Variants in FNBP1L observed in about 807,000 individuals in gnomAD.
The protein encoded by FNBP1L is formin-binding protein 1-like.
FNBP1L carries 36 observed loss-of-function variants against 91.2 expected under a neutral mutation model. That is an observed-to-expected ratio of 0.39 (90% CI 0.30 to 0.52). The LOEUF is 0.52. Among genes scored for constraint, FNBP1L ranks in the 20% least tolerant of loss-of-function variants. The pLI is 0.66. For synonymous variants in FNBP1L, 242 were observed against 237.0 expected (o/e 1.02, Z -0.19); for missense variants, 571 against 732.1 (o/e 0.78, Z 2.54).
chr1:93,451,384 A>G (rs1229072064), intron 1 of FNBP1L, among the ~76,000 whole-genome samples: 1 of 152,188 alleles, frequency 6.6e-6, no homozygotes, highest in Non-Finnish European at 1.5e-5. Context: ...TTCGACAGAA[A>G]AAATCTGTGT....
chr1:93,539,319 A>G (rs915986546), intron 10 of FNBP1L, among the ~76,000 whole-genome samples: 8 of 152,080 alleles, frequency 5.3e-5, no homozygotes, highest in Non-Finnish European at 1.2e-4. Context: ...GTAGTTGAGT[A>G]TATGAAGTTT....
intron 1 of FNBP1L, among the ~76,000 whole-genome samples, chr1:93,491,891 TATAAA>T (rs1423017836): frequency 5.9e-5 from 9 of 152,210 alleles, no homozygotes; most frequent in Non-Finnish European, 5.9e-5. Context: ...TTTTGTCAGT[TATAAA>T]ATAAATTTAA....
rs151018642 is a variant in FNBP1L at position 93,527,541 on chromosome 1, C to T, written c.406-2111C>T. Among the ~76,000 whole-genome samples the T allele has an allele frequency of 1.9e-3, 292 of 152,162 alleles. 2 individuals carry two copies. The highest frequency in any genetic ancestry group is 6.7e-3 in the African/African-American group (280 of 41,520). ...TTCTCAGAGCACAGGTTGCAAGGTG[C>T]GTATTTTCCAGGCAAGAAATTGGAA... is the stretch of plus-strand genomic sequence containing the variant. On this transcript the variant is annotated intron_variant, in intron 5 of 16. Coordinates refer to ENST00000271234, the MANE Select transcript of FNBP1L (RefSeq NM_001164473.3).
intron 1 of FNBP1L, among the ~76,000 whole-genome samples, chr1:93,476,288 C>T (rs535433612): frequency 6.6e-5 from 10 of 152,200 alleles, no homozygotes; most frequent in African/African-American, 1.2e-4. Flanking sequence ...TCCATCTAGT[C>T]CAGTGTCATT....
chr1:93,453,396 G>T (rs570815059), intron 1 of FNBP1L, among the ~76,000 whole-genome samples: 191 of 152,134 alleles, frequency 1.3e-3, no homozygotes, highest in Non-Finnish European at 1.9e-3. Context: ...CCATTTGCTT[G>T]CTTTCTTTGC....
chr1:93,495,777 CT>C (rs1670240309), intron 1 of FNBP1L, among the ~76,000 whole-genome samples: 1 of 152,000 alleles, frequency 6.6e-6, no homozygotes, highest in African/African-American at 2.4e-5. Flanking sequence ...GAAATTTGAG[CT>C]ATATAGAAAG....
intron 1 of FNBP1L, among the ~76,000 whole-genome samples, chr1:93,487,932 A>G (rs1465894723): frequency 5.9e-5 from 9 of 152,234 alleles, no homozygotes; most frequent in African/African-American, 1.4e-4. Flanking sequence ...TGCCTACTCA[A>G]CATGTCAACC....
At chr1:93,547,712 C>T (rs557400290) in intron 14 of FNBP1L, among the ~76,000 whole-genome samples, 6 of 152,126 alleles carry the variant, frequency 3.9e-5, no homozygotes, top group South Asian at 2.1e-4. Context: ...GGCCTAGGCT[C>T]CTCGGGCATG....
In FNBP1L at chr1:93,531,871, A is replaced by G. The variant is rs192883411; in HGVS notation, c.639+988A>G. On this transcript the variant is annotated intron_variant, in intron 7 of 16. Coordinates refer to ENST00000271234, the MANE Select transcript of FNBP1L (RefSeq NM_001164473.3). The stretch of plus-strand genomic sequence containing the variant: ...GGGAGTTTGGGGAGACAAGGAGTGT[A>G]ACTGCTGTCAATGAAACAGCAAGGT... Among the ~76,000 whole-genome samples, 317 of 152,330 alleles carry G rather than the reference A, an allele frequency of 2.1e-3. 1 individual carries two copies. The highest frequency in any genetic ancestry group is 6.2e-3 in the Admixed American group (95 of 15,298).
chr1:93,501,130 T>C (rs181139713), intron 2 of FNBP1L, among the ~76,000 whole-genome samples: 3 of 152,302 alleles, frequency 2.0e-5, no homozygotes, highest in African/African-American at 7.2e-5. Context: ...CACATTAAAT[T>C]CTCAGATTTC....
intron 1 of FNBP1L, among the ~76,000 whole-genome samples, chr1:93,486,447 C>CT (rs200220219): frequency 0.17 from 25,337 of 145,858 alleles, 2,899 homozygotes; most frequent in African/African-American, 0.34. Flanking sequence ...TAGCAGAATA[C>CT]TTTTTTTTTT....
intron 2 of FNBP1L, among the ~76,000 whole-genome samples, chr1:93,505,054 G>A (rs563276498): frequency 6.7e-6 from 1 of 149,736 alleles, no homozygotes; most frequent in Non-Finnish European, 1.5e-5. Context: ...ATAGTTTTAG[G>A]TCTTTGATGC....
intron 5 of FNBP1L, among the ~76,000 whole-genome samples, chr1:93,526,439 G>A (rs1052894217): frequency 2.6e-5 from 4 of 152,140 alleles, no homozygotes; most frequent in Admixed American, 6.5e-5. Context: ...TCCTCATTCA[G>A]TTTCATCCAG....
intron 2 of FNBP1L, among the ~76,000 whole-genome samples, chr1:93,520,157 G>A (rs1671274034): frequency 6.6e-6 from 1 of 152,106 alleles, no homozygotes; most frequent in East Asian, 1.9e-4. Flanking sequence ...TTTCAATAGA[G>A]TATAAGTCTC....
At chr1:93,478,589 G>A (rs1316558382) in intron 1 of FNBP1L, among the ~76,000 whole-genome samples, 5 of 152,162 alleles carry the variant, frequency 3.3e-5, no homozygotes, top group Non-Finnish European at 4.4e-5. Context: ...GGGGGCAGCA[G>A]TGGCAGTCTA....
intron 1 of FNBP1L, among the ~76,000 whole-genome samples, chr1:93,462,871 C>G (rs1668921704): frequency 6.6e-6 from 1 of 151,926 alleles, no homozygotes; most frequent in Non-Finnish European, 1.5e-5. Context: ...CTATGTATAG[C>G]GAAAACTGAA....
At chr1:93,526,709 A>G (rs1201287797) in intron 5 of FNBP1L, among the ~76,000 whole-genome samples, 1 of 152,162 alleles carries the variant, frequency 6.6e-6, no homozygotes, top group Non-Finnish European at 1.5e-5. Flanking sequence ...GGATGAAGGG[A>G]AAAACAATCT....
rs765071378 is a variant in FNBP1L, at chr1:93,533,088, C to T, written c.786+20C>T. On this transcript the variant is annotated intron_variant, in intron 8 of 16. Coordinates refer to ENST00000271234, the MANE Select transcript of FNBP1L (RefSeq NM_001164473.3). ...AGAAGAGTAAGTGCTAAATAATTATCTTTGAATGCATCTGTTTGGTTTAGG... is the reference window on the plus strand; with the variant it reads ...AGAAGAGTAAGTGCTAAATAATTATTTTTGAATGCATCTGTTTGGTTTAGG... 1.2e-6 allele frequency: 2 copies of T among 1,603,956 alleles called. No homozygotes were observed. Among genetic ancestry groups the T allele is most frequent in the East Asian group, 2.2e-5 (1 of 44,542 alleles).
chr1:93,496,784 G>A (rs888921394), intron 1 of FNBP1L, among the ~76,000 whole-genome samples: 6 of 152,078 alleles, frequency 3.9e-5, no homozygotes, highest in African/African-American at 1.4e-4. Flanking sequence ...TCCCATCTGG[G>A]CCTTCCCAAG....
Sources: gnomAD v4.1 joint callset for allele counts (sites outside exome capture counted in the v4.1 genomes callset) on GRCh38, gnomAD v4.1.1 for gene constraint, MANE v1.5 for transcripts, NCBI Gene and HGNC (gene_info 2026-07-23, HGNC 2026-07-21) for gene names.